SHANK2: variants seen among roughly 807,000 people sequenced by gnomAD.
The protein encoded by SHANK2 is SH3 and multiple ankyrin repeat domains protein 2.
Under a neutral mutation model 133.7 loss-of-function variants are expected in SHANK2, and 43 were observed. The ratio of observed to expected loss-of-function variants is 0.32; its 90% CI spans 0.25 to 0.41. The LOEUF is 0.41. Among genes scored for constraint, SHANK2 ranks in the 10% least tolerant of loss-of-function variants. SHANK2 has a pLI of 1.00. For missense variants in SHANK2, 1,994 were observed against 2,235.8 expected, an observed-to-expected ratio of 0.89 and a Z score of 2.18; for synonymous variants, 1,017 against 952.8, an observed-to-expected ratio of 1.07 and a Z score of -1.24.
intron 14 of SHANK2, among the ~76,000 whole-genome samples, chr11:70,746,549 C>T (rs541217730): frequency 1.3e-5 from 2 of 151,882 alleles, no homozygotes; most frequent in African/African-American, 4.8e-5. Flanking sequence ...CACCACTCTC[C>T]CGCTTCTCCA....
chr11:70,629,296 A>G (rs2060947146), intron 17 of SHANK2, among the ~76,000 whole-genome samples: 1 of 152,146 alleles, frequency 6.6e-6, no homozygotes, highest in Non-Finnish European at 1.5e-5. Context: ...AAAGGCTGGG[A>G]GAGGGGCAGC....
intron 9 of SHANK2, among the ~76,000 whole-genome samples, chr11:71,059,260 A>G (rs909251729): frequency 0.22 from 32,823 of 152,148 alleles, 3,820 homozygotes; most frequent in Middle Eastern, 0.31. Flanking sequence ...TAGAGAGCTG[A>G]AAATCTAGAA....
chr11:70,924,963 A>G (rs1176075780), intron 10 of SHANK2, among the ~76,000 whole-genome samples: 1 of 152,080 alleles, frequency 6.6e-6, no homozygotes, highest in Non-Finnish European at 1.5e-5. Context: ...CCTTCCCATC[A>G]CCATCCGGGC....
intron 2 of SHANK2, among the ~76,000 whole-genome samples, chr11:71,186,812 T>G (rs1953682410): frequency 6.6e-6 from 1 of 152,182 alleles, no homozygotes; most frequent in African/African-American, 2.4e-5. Flanking sequence ...AGGAAACGTG[T>G]CCCAGGACTT....
At chr11:70,856,187 T>C (rs1949168911) in intron 11 of SHANK2, among the ~76,000 whole-genome samples, 1 of 150,218 alleles carries the variant, frequency 6.7e-6, no homozygotes, top group African/African-American at 2.5e-5. Context: ...GATGGATGAA[T>C]GAATAGATGA....
intron 14 of SHANK2, among the ~76,000 whole-genome samples, chr11:70,701,784 G>C (rs1399295839): frequency 2.6e-5 from 4 of 152,084 alleles, no homozygotes; most frequent in Non-Finnish European, 4.4e-5. Context: ...CCTGTCTCCT[G>C]GTTCCCAGAA....
chr11:70,636,679 ATC>A (rs1359114672), intron 17 of SHANK2, among the ~76,000 whole-genome samples: 5 of 133,110 alleles, frequency 3.8e-5, no homozygotes, highest in African/African-American at 1.3e-4. Context: ...ACGTGTGAGC[ATC>A]TGTGTATGTG....
chr11:71,132,491 T>C (rs1483187851), intron 3 of SHANK2, among the ~76,000 whole-genome samples: 4 of 152,138 alleles, frequency 2.6e-5, no homozygotes, highest in African/African-American at 9.7e-5. Context: ...TTCCCGTACA[T>C]TGTTTTCTCC....
In SHANK2 at chr11:70,486,411, G is replaced by A. The variant is rs782395869; in HGVS notation, c.3882C>T (p.Asp1294=). ...TGATGTCGATCAGCATGTTCTTCTT[G>A]TCATCGCCTTTCCGGTCTCGGCCCA... is the stretch of plus-strand genomic sequence containing the variant. The part of the protein sequence containing the change: ...TDLGRDRKGD[D]KKNMLIDIMD... Residue 1294 remains aspartate (D), a synonymous_variant, in exon 25 of 26, where the codon GAC becomes GAT. Coordinates refer to ENST00000601538, the MANE Select transcript of SHANK2 (RefSeq NM_012309.5). This position sits in a 1 kb window ranked among gnomAD's most constrained non-coding sequence, Gnocchi z 8.0. The A allele has an allele frequency of 7.4e-6, 12 of 1,613,972 alleles. No homozygotes were observed. The highest frequency in any genetic ancestry group is 1.3e-5 in the African/African-American group (1 of 75,012).
chr11:70,564,581 C>T (rs2059945846), intron 17 of SHANK2, among the ~76,000 whole-genome samples: 5 of 152,080 alleles, frequency 3.3e-5, no homozygotes, highest in Admixed American at 3.3e-4. Context: ...TTTCTCCCCT[C>T]CCCCTACAAT....
At chr11:70,713,176 G>A (rs1313632151) in intron 14 of SHANK2, among the ~76,000 whole-genome samples, 1 of 152,260 alleles carries the variant, frequency 6.6e-6, no homozygotes, top group African/African-American at 2.4e-5. Flanking sequence ...ACAAGGGCCA[G>A]ATCTATGGAC....
In SHANK2 at chr11:70,500,433, T is replaced by G. The variant is rs2059032815; in HGVS notation, c.2308+137A>C. 3 of 1,190,360 alleles carry G rather than the reference T, an allele frequency of 2.5e-6. No homozygotes were observed. The South Asian group carries it at 4.0e-5, about 16-fold the overall frequency. 73.7% of individuals were successfully genotyped at this position (1,190,360 alleles called of 1,614,324 possible). ...TGAATGTGCTCCAGGGCGGCAGGGC[T>G]CCTCGGGCAGGACCCAGCAGGAGAA... On this transcript the variant is annotated intron_variant, in intron 21 of 25. Transcript: ENST00000601538. The surrounding 1 kb of genome is among the most constrained non-coding windows in gnomAD (Gnocchi z 4.5).
chr11:71,181,369 T>A (rs1256644948), intron 2 of SHANK2, among the ~76,000 whole-genome samples: 1 of 152,048 alleles, frequency 6.6e-6, no homozygotes, highest in Non-Finnish European at 1.5e-5. Context: ...CACGGTGACA[T>A]GTGCCTGCAG....
At chr11:70,536,425 G>C (rs2059545027) in intron 17 of SHANK2, among the ~76,000 whole-genome samples, 1 of 152,160 alleles carries the variant, frequency 6.6e-6, no homozygotes, top group South Asian at 2.1e-4. Context: ...GTGTGGCTGT[G>C]CACCCCAGGG....
rs188926696 is a variant in SHANK2, at chr11:71,134,692, G to A, written c.207+12428C>T. On this transcript the variant is annotated intron_variant, in intron 3 of 25. Coordinates refer to ENST00000601538, the MANE Select transcript of SHANK2 (RefSeq NM_012309.5). Reference sequence around the variant, plus strand: ...TGACCTCAAATACTCCACCCGCCTCGGCCTCCCAAAGTGCTGGGATTACAG... The same window carrying A: ...TGACCTCAAATACTCCACCCGCCTCAGCCTCCCAAAGTGCTGGGATTACAG... 6.3e-4 allele frequency among the ~76,000 whole-genome samples: 96 copies of A among 151,990 alleles called. No homozygotes were observed. The East Asian group carries it at 0.015, about 24-fold the overall frequency.
intron 14 of SHANK2, among the ~76,000 whole-genome samples, chr11:70,784,785 G>GT (rs1284580532): frequency 3.3e-5 from 5 of 152,086 alleles, no homozygotes; most frequent in African/African-American, 1.2e-4. Context: ...CCCCATCTCG[G>GT]TAAATGTCAG....
At chr11:71,158,817 T>C (rs560016758) in intron 2 of SHANK2, among the ~76,000 whole-genome samples, 2 of 152,272 alleles carry the variant, frequency 1.3e-5, no homozygotes, top group Admixed American at 1.3e-4. Context: ...CAGACTCCCA[T>C]ATGTGTTGGG....
rs555644395 is a variant in SHANK2, at chr11:71,139,530, T to G, written c.207+7590A>C. Among the ~76,000 whole-genome samples, 14 of 152,030 alleles carry G rather than the reference T, an allele frequency of 9.2e-5. No individual in the cohort carries two copies. In the South Asian group the frequency reaches 2.9e-3, roughly 32 times the overall value. ...TAATAAAATAAAATAAATAAATAAA[T>G]AAAAGAAAAACCACTTTGGGCCACG... On this transcript the variant is annotated intron_variant, in intron 3 of 25. Coordinates refer to ENST00000601538, the MANE Select transcript of SHANK2 (RefSeq NM_012309.5).
Position 70,471,044 on chromosome 11 carries a change from G to GAAAT in SHANK2, c.*1821_*1824dup, listed in dbSNP as rs1478654179. ...GTCATACTTTTATAATTATTCCACAGAAATAGTATTATTAAATCACAAAAG... is the reference window on the plus strand; with the variant it reads ...GTCATACTTTTATAATTATTCCACAGAAATAAATAGTATTATTAAATCACAAAAG... On this transcript the variant is annotated 3_prime_UTR_variant, in exon 26 of 26. Transcript: ENST00000601538. This position sits in a 1 kb window ranked among gnomAD's most constrained non-coding sequence, Gnocchi z 4.1. 3 of 367,928 alleles carry GAAAT rather than the reference G, an allele frequency of 8.2e-6. No individual in the cohort carries two copies. The highest frequency in any genetic ancestry group is 1.4e-5 in the Non-Finnish European group (3 of 207,984). 22.8% of individuals were successfully genotyped at this position (367,928 alleles called of 1,614,324 possible).
Sources: gnomAD v4.1 joint callset for allele counts (sites outside exome capture counted in the v4.1 genomes callset) on GRCh38, gnomAD v4.1.1 for gene constraint, Gnocchi (gnomAD v3.1) non-coding constraint, MANE v1.5 for transcripts, NCBI Gene and HGNC (gene_info 2026-07-23, HGNC 2026-07-21) for gene names.